FAM135B: variants seen among roughly 807,000 people sequenced by gnomAD.
FAM135B encodes protein FAM135B.
A neutral mutation model predicts 127.7 loss-of-function variants in FAM135B; 43 were observed. The observed-to-expected ratio is 0.34, with a 90% CI of 0.26 to 0.43. The LOEUF (loss-of-function observed/expected upper bound fraction) is 0.43, where lower values mean the gene tolerates loss of function less well. FAM135B is among the 20% of genes least tolerant of loss of function. The pLI, the probability that FAM135B is intolerant of heterozygous loss-of-function variation, is 1.00. For missense variants in FAM135B, 1,558 were observed against 1,725.6 expected, an observed-to-expected ratio of 0.90 and a Z score of 1.72; for synonymous variants, 670 against 665.1, an observed-to-expected ratio of 1.01 and a Z score of -0.11.
At chr8:138,474,505 G>A (rs1187306009) in intron 1 of FAM135B, among the ~76,000 whole-genome samples, 2 of 152,092 alleles carry the variant, frequency 1.3e-5, no homozygotes, top group Non-Finnish European at 2.9e-5. Flanking sequence ...AGGTATAAAA[G>A]ATGCAAGCTT....
intron 3 of FAM135B, among the ~76,000 whole-genome samples, chr8:138,307,501 C>G (rs894440344): frequency 6.6e-5 from 10 of 152,182 alleles, no homozygotes; most frequent in African/African-American, 2.4e-4. Context: ...TTAAATATCC[C>G]TTCTGTCACC....
At chr8:138,323,201 C>A (rs555754938) in intron 2 of FAM135B, among the ~76,000 whole-genome samples, 1 of 152,188 alleles carries the variant, frequency 6.6e-6, no homozygotes, top group Non-Finnish European at 1.5e-5. Context: ...TTTCTCTACC[C>A]GCATTCTCCT....
intron 1 of FAM135B, among the ~76,000 whole-genome samples, chr8:138,377,470 G>A (rs1831555736): frequency 6.6e-6 from 1 of 152,164 alleles, no homozygotes; most frequent in African/African-American, 2.4e-5. Flanking sequence ...AGCATCTGGT[G>A]TTCCCCTGTC....
At position 138,328,653 on chromosome 8, in the gene FAM135B, G is replaced by A. The variant is rs115636843; in HGVS notation, c.78-17733C>T. On this transcript the variant is annotated intron_variant, in intron 2 of 19. Coordinates refer to ENST00000395297, the MANE Select transcript of FAM135B (RefSeq NM_015912.4). ...GTGTTACTATAAAAATAGATGGACCGAGCTACCTTTCACCAGAGGATATAA... is the reference window on the plus strand; with the variant it reads ...GTGTTACTATAAAAATAGATGGACCAAGCTACCTTTCACCAGAGGATATAA... 1.6e-3 allele frequency among the ~76,000 whole-genome samples: 250 copies of A among 152,248 alleles called. 2 individuals are homozygous for A. The highest frequency in any genetic ancestry group is 5.8e-3 in the African/African-American group (239 of 41,544).
intron 1 of FAM135B, among the ~76,000 whole-genome samples, chr8:138,388,065 C>T (rs940115825): frequency 5.3e-5 from 8 of 152,022 alleles, no homozygotes; most frequent in African/African-American, 1.9e-4. Flanking sequence ...TGAGATACCC[C>T]GATTAAAAAG....
chr8:138,336,067 A>G (rs1828557322), intron 2 of FAM135B, among the ~76,000 whole-genome samples: 1 of 152,196 alleles, frequency 6.6e-6, no homozygotes, highest in African/African-American at 2.4e-5. Context: ...ACGAGAACAA[A>G]GACACAACAT....
chr8:138,437,740 C>A (rs1000911066), intron 1 of FAM135B: 32 of 152,064 alleles, frequency 2.1e-4, no homozygotes, highest in Admixed American at 1.7e-3. Context: ...TATCTTACAG[C>A]AGCATAAAGT....
intron 11 of FAM135B, among the ~76,000 whole-genome samples, chr8:138,169,268 T>C (rs1213809919): frequency 6.6e-6 from 1 of 152,112 alleles, no homozygotes; most frequent in Non-Finnish European, 1.5e-5. Flanking sequence ...ATCAAAGCCC[T>C]GAAGGCTGCT....
At chr8:138,489,569 C>A (rs1190341435) in intron 1 of FAM135B, among the ~76,000 whole-genome samples, 1 of 152,160 alleles carries the variant, frequency 6.6e-6, no homozygotes, top group African/African-American at 2.4e-5. Flanking sequence ...ATGTTTGTAT[C>A]TGTCATCTCC....
At chr8:138,280,380 C>A (rs1824169892) in intron 3 of FAM135B, among the ~76,000 whole-genome samples, 1 of 152,122 alleles carries the variant, frequency 6.6e-6, no homozygotes, top group Admixed American at 6.5e-5. Context: ...CTCCTGGGCT[C>A]ATTTACCTTC....
At chr8:138,328,116 T>C (rs1258890575) in intron 2 of FAM135B, among the ~76,000 whole-genome samples, 1 of 152,112 alleles carries the variant, frequency 6.6e-6, no homozygotes, top group Non-Finnish European at 1.5e-5. Flanking sequence ...ACTTCTTCAG[T>C]TTTAGAATGT....
At chr8:138,220,094 C>T (rs1818911918) in intron 7 of FAM135B, among the ~76,000 whole-genome samples, 1 of 151,724 alleles carries the variant, frequency 6.6e-6, no homozygotes, top group Non-Finnish European at 1.5e-5. Flanking sequence ...CACACACGTG[C>T]TCATGTGCAG....
At chr8:138,203,234 A>G (rs12541667) in intron 7 of FAM135B, among the ~76,000 whole-genome samples, 31,551 of 151,856 alleles carry the variant, frequency 0.21, 4,152 homozygotes, top group Non-Finnish European at 0.28. Context: ...CTAGATGTCT[A>G]TTGTCTAAAC....
At chr8:138,170,183 G>A (rs979131218) in intron 11 of FAM135B, among the ~76,000 whole-genome samples, 7 of 149,900 alleles carry the variant, frequency 4.7e-5, no homozygotes, top group Non-Finnish European at 8.9e-5. Flanking sequence ...GGATAGTTGT[G>A]TCATGCAAGT....
intron 11 of FAM135B, among the ~76,000 whole-genome samples, chr8:138,171,215 G>C (rs1820409616): frequency 6.6e-6 from 1 of 152,156 alleles, no homozygotes; most frequent in Non-Finnish European, 1.5e-5. Context: ...TATGGGTTCT[G>C]TCTCTCTGGA....
Position 138,323,762 on chromosome 8 carries a change from T to A in FAM135B, c.78-12842A>T, listed in dbSNP as rs113527500. 9.1e-3 allele frequency among the ~76,000 whole-genome samples: 1,390 copies of A among 152,330 alleles called. 28 individuals carry two copies. Among genetic ancestry groups the A allele is most frequent in the African/African-American group, 0.032 (1,330 of 41,558 alleles). The stretch of plus-strand genomic sequence containing the variant: ...TGTGTAGGTGAAAATTCAGAAGAGT[T>A]GACACAGACAGTCTGACTTCTCTCA... On this transcript the variant is annotated intron_variant, in intron 2 of 19. Transcript: ENST00000395297.
At chr8:138,156,127 T>A (rs557184887) in intron 12 of FAM135B, among the ~76,000 whole-genome samples, 1 of 152,264 alleles carries the variant, frequency 6.6e-6, no homozygotes, top group East Asian at 1.9e-4. Context: ...AAATTAGAAC[T>A]CAGGATTAAG....
intron 11 of FAM135B, among the ~76,000 whole-genome samples, chr8:138,174,430 A>G (rs1414200195): frequency 6.6e-6 from 1 of 152,074 alleles, no homozygotes. Flanking sequence ...AGCCCTGCAT[A>G]GCCCCTCTTC....
intron 7 of FAM135B, among the ~76,000 whole-genome samples, chr8:138,223,289 T>G (rs1563789167): frequency 6.6e-6 from 1 of 152,210 alleles, no homozygotes; most frequent in Admixed American, 6.5e-5. Flanking sequence ...AAGAATAAAC[T>G]ACTTCACCCA....
Sources: gnomAD v4.1 joint callset for allele counts (sites outside exome capture counted in the v4.1 genomes callset) on GRCh38, gnomAD v4.1.1 for gene constraint, MANE v1.5 for transcripts, NCBI Gene and HGNC (gene_info 2026-07-23, HGNC 2026-07-21) for gene names.